Variants in AOPEP observed in about 807,000 individuals in gnomAD.
AOPEP encodes aminopeptidase O (putative), also known as aminopeptidase O.
A neutral mutation model predicts 98.1 loss-of-function variants in AOPEP; 77 were observed. That is an observed-to-expected ratio of 0.78 (90% confidence interval 0.65 to 0.95). The LOEUF (loss-of-function observed/expected upper bound fraction) is 0.95, where lower values mean the gene tolerates loss of function less well. Among genes scored for constraint, AOPEP ranks in the 40% least tolerant of loss-of-function variants. AOPEP has a pLI of 0.00. For missense variants in AOPEP, 1,024 were observed against 1,024.7 expected (o/e 1.00, Z 0.01); for synonymous variants, 346 against 365.3 (o/e 0.95, Z 0.60).
At chr9:94,901,810 G>A (rs1197653078) in intron 5 of AOPEP, among the ~76,000 whole-genome samples, 3 of 151,994 alleles carry the variant, frequency 2.0e-5, no homozygotes, top group Non-Finnish European at 4.4e-5. Flanking sequence ...GCGTCGTGGA[G>A]CACATCTGTA....
At chr9:94,894,490 GA>G (rs1339646884) in intron 5 of AOPEP, among the ~76,000 whole-genome samples, 1 of 152,114 alleles carries the variant, frequency 6.6e-6, no homozygotes, top group Non-Finnish European at 1.5e-5. Context: ...AAGAACATAT[GA>G]GTCACCAAAA....
chr9:94,969,588 T>C (rs550069398), intron 10 of AOPEP, among the ~76,000 whole-genome samples: 8 of 152,162 alleles, frequency 5.3e-5, no homozygotes, highest in Middle Eastern at 3.4e-3. Context: ...TTTGTATTTT[T>C]AGTAGAGATG....
chr9:94,969,341 C>T (rs886299179), intron 10 of AOPEP, among the ~76,000 whole-genome samples: 22 of 151,946 alleles, frequency 1.4e-4, no homozygotes, highest in Middle Eastern at 3.4e-3. Flanking sequence ...GGTTAAAATA[C>T]GCTCATTCCA....
the AOPEP span, chr9:95,150,196 T>C: frequency 8.9e-7 from 1 of 1,120,638 alleles, no homozygotes. Context: ...CTGTTTTGCC[T>C]CTAAATAAAG....
chr9:94,983,579 CATGGACA>C (rs2060327377), intron 11 of AOPEP, among the ~76,000 whole-genome samples: 1 of 152,202 alleles, frequency 6.6e-6, no homozygotes, highest in African/African-American at 2.4e-5. Flanking sequence ...ACTTTTCCCC[CATGGACA>C]ATGGATTTAG....
At chr9:94,942,236 C>T (rs904845017) in intron 7 of AOPEP, among the ~76,000 whole-genome samples, 4 of 152,174 alleles carry the variant, frequency 2.6e-5, no homozygotes, top group East Asian at 1.9e-4. Context: ...AGCTAATGAG[C>T]GTTAGTTTCC....
intron 16 of AOPEP, among the ~76,000 whole-genome samples, chr9:95,084,498 A>G (rs1025019688): frequency 5.3e-5 from 8 of 152,222 alleles, no homozygotes; most frequent in Non-Finnish European, 1.0e-4. Context: ...TGCCGGCCTC[A>G]TAATAGTAAT....
intron 11 of AOPEP, among the ~76,000 whole-genome samples, chr9:94,987,461 C>G (rs1231097847): frequency 6.6e-6 from 1 of 152,182 alleles, no homozygotes; most frequent in Non-Finnish European, 1.5e-5. Context: ...AATCTCAGTG[C>G]TGGGAAGCTG....
the AOPEP span, chr9:95,110,355 TA>T: frequency 9.8e-7 from 1 of 1,020,414 alleles, no homozygotes; most frequent in Admixed American, 5.8e-5. Flanking sequence ...AGACAGAATA[TA>T]AAAGGGCTTT....
At chr9:94,801,439 A>G (rs1007494479) in intron 5 of AOPEP, among the ~76,000 whole-genome samples, 35 of 152,218 alleles carry the variant, frequency 2.3e-4, no homozygotes, top group African/African-American at 8.4e-4. Context: ...TGTCTTGTCC[A>G]TTCTCACCAC....
At chr9:94,854,202 G>A (rs2043905770) in intron 5 of AOPEP, among the ~76,000 whole-genome samples, 1 of 152,192 alleles carries the variant, frequency 6.6e-6, no homozygotes, top group Admixed American at 6.5e-5. Context: ...TTTTCAGAGA[G>A]CAGGTGGTGG....
At chr9:94,960,652 G>A (rs547319051) in intron 9 of AOPEP, among the ~76,000 whole-genome samples, 2 of 152,166 alleles carry the variant, frequency 1.3e-5, no homozygotes, top group African/African-American at 2.4e-5. Flanking sequence ...TTTGCTGGCT[G>A]AATTTCATTA....
intron 5 of AOPEP, among the ~76,000 whole-genome samples, chr9:94,801,504 TC>T (rs1421561515): frequency 1.3e-5 from 2 of 152,208 alleles, no homozygotes; most frequent in Non-Finnish European, 2.9e-5. Context: ...TGTGGATGGA[TC>T]AGTGTAAATC....
At chr9:95,099,403 G>A in the AOPEP span, 8 of 226,812 alleles carry the variant, frequency 3.5e-5, no homozygotes, top group African/African-American at 1.1e-4. Flanking sequence ...CCCAGGCCCC[G>A]CCAACGCCGT....
chr9:94,849,508 T>C (rs1314602446), intron 5 of AOPEP, among the ~76,000 whole-genome samples: 6 of 148,538 alleles, frequency 4.0e-5, no homozygotes, highest in Non-Finnish European at 8.9e-5. Flanking sequence ...CTTTCTTTCT[T>C]TTTTTTTTTT....
At chr9:95,019,010 A>G (rs2063238016) in intron 13 of AOPEP, 1 of 152,122 alleles carries the variant, frequency 6.6e-6, no homozygotes, top group Non-Finnish European at 1.5e-5. Context: ...AAGCAGGAAA[A>G]CATTCCTAAA....
chr9:95,140,476 A>AAAAAAC, the AOPEP span, among the ~76,000 whole-genome samples: 2 of 151,634 alleles, frequency 1.3e-5, no homozygotes, highest in South Asian at 2.1e-4. Flanking sequence ...ATAGCTACAA[A>AAAAAAC]AAAACAAAAC....
intron 5 of AOPEP, among the ~76,000 whole-genome samples, chr9:94,880,728 T>A (rs2047486904): frequency 6.6e-6 from 1 of 152,224 alleles, no homozygotes; most frequent in Non-Finnish European, 1.5e-5. Flanking sequence ...AAATATTTAC[T>A]GACGTGTCCT....
chr9:95,051,681 T>C (rs1215977007), intron 13 of AOPEP, among the ~76,000 whole-genome samples: 2 of 152,208 alleles, frequency 1.3e-5, no homozygotes, highest in South Asian at 2.1e-4. Context: ...TAACCAGATC[T>C]GTACTGTAAA....
Sources: allele counts gnomAD v4.1 joint callset (sites outside exome capture counted in the v4.1 genomes callset), GRCh38; gene constraint gnomAD v4.1.1; transcripts MANE v1.5; gene names NCBI Gene and HGNC (gene_info 2026-07-23, HGNC 2026-07-21).